PTPRN2: variants seen among roughly 807,000 people sequenced by gnomAD.
The protein encoded by PTPRN2 is receptor-type tyrosine-protein phosphatase N2.
Under a neutral mutation model 118.8 loss-of-function variants are expected in PTPRN2, and 74 were observed. The observed-to-expected ratio is 0.62, with a 90% CI of 0.52 to 0.76. PTPRN2 has a LOEUF of 0.76. Among genes scored for constraint, PTPRN2 ranks in the 30% least tolerant of loss-of-function variants. PTPRN2 has a pLI of 0.00. For missense variants in PTPRN2, 1,481 were observed against 1,394.4 expected (o/e 1.06, Z -0.99); for synonymous variants, 641 against 608.0 (o/e 1.05, Z -0.80).
intron 22 of PTPRN2, among the ~76,000 whole-genome samples, chr7:157,544,998 AGGGT>A: frequency 7.4e-6 from 1 of 134,598 alleles, no homozygotes; most frequent in Admixed American, 7.4e-5. Context: ...GTGGGTGTGC[AGGGT>A]CCATGACTGT....
At position 158,015,744 on chromosome 7, in the gene PTPRN2, C is replaced by G. The variant is rs576685907; in HGVS notation, c.1723+65554G>C. ...CTATTATTAGGAGTTCAAAACAAATCACAAACATGTCTGTCTATTACAATT... is the reference window on the plus strand; with the variant it reads ...CTATTATTAGGAGTTCAAAACAAATGACAAACATGTCTGTCTATTACAATT... On this transcript the variant is annotated intron_variant, in intron 11 of 22. Transcript: ENST00000389418. The surrounding 1 kb of genome is among the most constrained non-coding windows in gnomAD (Gnocchi z 4.2). 3.3e-5 allele frequency among the ~76,000 whole-genome samples: 5 copies of G among 152,336 alleles called. No individual in the cohort carries two copies. The East Asian group carries it at 9.6e-4, about 29-fold the overall frequency.
chr7:158,304,382 A>C (rs1488598151), intron 3 of PTPRN2, among the ~76,000 whole-genome samples: 6 of 151,130 alleles, frequency 4.0e-5, no homozygotes, highest in South Asian at 2.1e-4. Context: ...AGGGAGGCAT[A>C]AGACATCCGT....
chr7:158,209,215 C>G (rs1163029890), intron 3 of PTPRN2, among the ~76,000 whole-genome samples: 1 of 151,176 alleles, frequency 6.6e-6, no homozygotes, highest in African/African-American at 2.4e-5. Context: ...TCAATAATAA[C>G]AAATACACAT....
chr7:157,823,038 C>T (rs1221381208), intron 12 of PTPRN2, among the ~76,000 whole-genome samples: 1 of 152,074 alleles, frequency 6.6e-6, no homozygotes, highest in Non-Finnish European at 1.5e-5. Context: ...TTCTATCCTT[C>T]CATCCTTCTA....
intron 2 of PTPRN2, among the ~76,000 whole-genome samples, chr7:158,324,554 A>T (rs10949715): frequency 6.6e-6 from 1 of 151,392 alleles, no homozygotes; most frequent in African/African-American, 2.4e-5. Context: ...GCAAGTTCTC[A>T]GGTGGCCATG....
chr7:158,317,721 G>T (rs1420739449), intron 2 of PTPRN2, among the ~76,000 whole-genome samples: 1 of 152,202 alleles, frequency 6.6e-6, no homozygotes, highest in East Asian at 1.9e-4. Context: ...TTCGGGCGGG[G>T]CGGAAGGGGA....
chr7:158,342,197 ACT>A (rs1465367315), intron 2 of PTPRN2, among the ~76,000 whole-genome samples: 4 of 134,518 alleles, frequency 3.0e-5, no homozygotes, highest in African/African-American at 1.1e-4. Context: ...CACAGACGTC[ACT>A]CACACCCACA....
chr7:158,172,115 C>T (rs1823755271), intron 5 of PTPRN2, among the ~76,000 whole-genome samples: 2 of 152,156 alleles, frequency 1.3e-5, no homozygotes, highest in Non-Finnish European at 2.9e-5. Context: ...TGACGAGAAG[C>T]AGAACCCACT....
At chr7:158,405,115 G>A (rs1462258389) in intron 2 of PTPRN2, among the ~76,000 whole-genome samples, 2 of 150,480 alleles carry the variant, frequency 1.3e-5, no homozygotes, top group Admixed American at 6.6e-5. Context: ...CCTGGCCCCA[G>A]CAGGAGCTAA....
chr7:157,763,947 C>G lies in PTPRN2; in HGVS notation c.1789-81010G>C, dbSNP rs1219078066. ...CTAACCTGTGACCATTTTCCAAACA[C>G]TCTCATGTTCGTTTGATCTTCATGA... On this transcript the variant is annotated intron_variant, in intron 12 of 22. Transcript: ENST00000389418. This position sits in a 1 kb window ranked among gnomAD's most constrained non-coding sequence, Gnocchi z 4.9. Among the ~76,000 whole-genome samples, 3 of 152,176 alleles carry G rather than the reference C, an allele frequency of 2.0e-5. No homozygotes were observed. Among genetic ancestry groups the G allele is most frequent in the African/African-American group, 7.2e-5 (3 of 41,442 alleles).
At chr7:157,999,157 C>A (rs1388073613) in intron 11 of PTPRN2, among the ~76,000 whole-genome samples, 1 of 152,084 alleles carries the variant, frequency 6.6e-6, no homozygotes, top group Non-Finnish European at 1.5e-5. Context: ...GCCCCTCACA[C>A]CCCTGCACTG....
At chr7:158,498,881 GAAGA>G (rs1822151487) in intron 1 of PTPRN2, among the ~76,000 whole-genome samples, 1 of 152,196 alleles carries the variant, frequency 6.6e-6, no homozygotes, top group Non-Finnish European at 1.5e-5. Context: ...AGAATAAAGT[GAAGA>G]AAGGTAGATG....
In PTPRN2 at chr7:158,333,807, G is replaced by T. The variant is rs1335828306; in HGVS notation, c.164-16875C>A. 6.8e-5 allele frequency among the ~76,000 whole-genome samples: 9 copies of T among 131,512 alleles called. No individual in the cohort carries two copies. In the South Asian group the frequency reaches 2.3e-3, roughly 33 times the overall value. 86.3% of individuals were successfully genotyped at this position (131,512 alleles called of 152,430 possible). A position where few individuals can be genotyped will look rare whatever the true frequency, so the allele number is the denominator to read the frequency against. On this transcript the variant is annotated intron_variant, in intron 2 of 22. Coordinates refer to ENST00000389418, the MANE Select transcript of PTPRN2 (RefSeq NM_002847.5). ...ACACACTCTCACCATAAGAGCTGAGGCCCACAGAGGTCACTCACACCCACA... is the reference window on the plus strand; with the variant it reads ...ACACACTCTCACCATAAGAGCTGAGTCCCACAGAGGTCACTCACACCCACA...
intron 2 of PTPRN2, among the ~76,000 whole-genome samples, chr7:158,334,157 G>A (rs1324205099): frequency 6.6e-5 from 1 of 15,104 alleles, no homozygotes; most frequent in Non-Finnish European, 1.1e-4. Flanking sequence ...ACATGCAGAC[G>A]TCACACACAC....
At position 157,563,318 on chromosome 7, in the gene PTPRN2, A is replaced by G. The variant is rs1639798; in HGVS notation, c.2902+5584T>C. Among the ~76,000 whole-genome samples the G allele has an allele frequency of 7.8e-5, 9 of 115,992 alleles. 1 individual carries two copies. The highest frequency in any genetic ancestry group is 2.4e-4 in the African/African-American group (7 of 29,240). The allele number at this position is 115,992 out of a possible 152,430, so 76.1% of individuals were successfully genotyped here. A position where few individuals can be genotyped will look rare whatever the true frequency, so the allele number is the denominator to read the frequency against. On this transcript the variant is annotated intron_variant, in intron 21 of 22. Coordinates refer to ENST00000389418, the MANE Select transcript of PTPRN2 (RefSeq NM_002847.5). Reference sequence around the variant, plus strand: ...GCAGATCAGGACCACGTGCTCCCGCATCACCACACCACATGCAGCAGATCA... The same window carrying G: ...GCAGATCAGGACCACGTGCTCCCGCGTCACCACACCACATGCAGCAGATCA...
At chr7:158,524,409 G>A (rs1182872368) in intron 1 of PTPRN2, among the ~76,000 whole-genome samples, 2 of 145,322 alleles carry the variant, frequency 1.4e-5, no homozygotes, top group Non-Finnish European at 3.0e-5. Context: ...CGTCTGCCCT[G>A]GAGCGGAGTC....
At chr7:157,620,771 G>C (rs1236920038) in intron 15 of PTPRN2, among the ~76,000 whole-genome samples, 1 of 152,216 alleles carries the variant, frequency 6.6e-6, no homozygotes, top group African/African-American at 2.4e-5. Flanking sequence ...TCCCAGGAGG[G>C]CCTTCCCAGA....
chr7:157,851,193 C>A (rs1446093152), intron 12 of PTPRN2, among the ~76,000 whole-genome samples: 2 of 152,204 alleles, frequency 1.3e-5, no homozygotes, highest in African/African-American at 4.8e-5. Flanking sequence ...TTTTATCAGT[C>A]CCTTAACGAG....
intron 12 of PTPRN2, among the ~76,000 whole-genome samples, chr7:157,871,398 T>C (rs1239241315): frequency 6.6e-6 from 1 of 152,136 alleles, no homozygotes; most frequent in South Asian, 2.1e-4. Flanking sequence ...GTTCTGCTTA[T>C]GGGAAAGGGC....
Sources: gnomAD v4.1 joint callset for allele counts (sites outside exome capture counted in the v4.1 genomes callset) on GRCh38, gnomAD v4.1.1 for gene constraint, Gnocchi (gnomAD v3.1) non-coding constraint, MANE v1.5 for transcripts, NCBI Gene and HGNC (gene_info 2026-07-23, HGNC 2026-07-21) for gene names.